STPG2: variants seen among roughly 807,000 people sequenced by gnomAD.
STPG2 encodes the protein sperm tail PG-rich repeat containing 2.
Under a neutral mutation model 54.2 loss-of-function variants are expected in STPG2, and 56 were observed. The observed-to-expected ratio is 1.03, with a 90% CI of 0.83 to 1.29. The LOEUF is 1.29. Among genes scored for constraint, STPG2 ranks in the 50% most tolerant of loss-of-function variants. The pLI is 0.00. For synonymous variants in STPG2, 200 were observed against 181.8 expected, an observed-to-expected ratio of 1.10 and a Z score of -0.81; for missense variants, 596 against 544.9, an observed-to-expected ratio of 1.09 and a Z score of -0.93.
chr4:98,037,949 C>A (rs1488208841), intron 5 of STPG2, among the ~76,000 whole-genome samples: 1 of 152,090 alleles, frequency 6.6e-6, no homozygotes, highest in African/African-American at 2.4e-5. Context: ...AAATATAGAT[C>A]TAAACAGAGA....
At chr4:98,061,975 T>G (rs7662218) in intron 5 of STPG2, among the ~76,000 whole-genome samples, 60,424 of 152,034 alleles carry the variant, frequency 0.4, 12,257 homozygotes, top group Middle Eastern at 0.46. Flanking sequence ...TAAATGATTC[T>G]ACCATAAAGA....
chr4:98,037,627 G>T (rs1736817556), intron 5 of STPG2, among the ~76,000 whole-genome samples: 1 of 151,680 alleles, frequency 6.6e-6, no homozygotes, highest in African/African-American at 2.4e-5. Context: ...AAGGAGTAAG[G>T]GAGTGAGAAA....
intron 5 of STPG2, among the ~76,000 whole-genome samples, chr4:98,031,745 G>A (rs190387004): frequency 1.1e-3 from 170 of 152,174 alleles, no homozygotes; most frequent in African/African-American, 3.9e-3. Flanking sequence ...GAGCTTTTGT[G>A]TGGCAAAAGG....
At chr4:97,604,940 A>G (rs1035560137) in intron 10 of STPG2, among the ~76,000 whole-genome samples, 8 of 151,882 alleles carry the variant, frequency 5.3e-5, no homozygotes, top group South Asian at 4.1e-4. Context: ...TTCTTAAGGA[A>G]AAGTAAATAA....
At chr4:97,953,364 T>C (rs543327122) in intron 7 of STPG2, among the ~76,000 whole-genome samples, 1 of 152,314 alleles carries the variant, frequency 6.6e-6, no homozygotes, top group South Asian at 2.1e-4. Flanking sequence ...AGGCACTTAA[T>C]GCTCAGAACT....
At chr4:97,987,391 T>C (rs1436176389) in intron 5 of STPG2, among the ~76,000 whole-genome samples, 2 of 152,182 alleles carry the variant, frequency 1.3e-5, no homozygotes, top group Non-Finnish European at 2.9e-5. Flanking sequence ...TGTATGTAAA[T>C]CAACGTGTTT....
At chr4:97,767,587 T>C (rs1726092743) in intron 9 of STPG2, among the ~76,000 whole-genome samples, 1 of 152,206 alleles carries the variant, frequency 6.6e-6, no homozygotes, top group African/African-American at 2.4e-5. Flanking sequence ...CAGTTTGTTA[T>C]TCATATTTGG....
At chr4:98,027,957 C>T (rs1736477831) in intron 5 of STPG2, among the ~76,000 whole-genome samples, 1 of 152,140 alleles carries the variant, frequency 6.6e-6, no homozygotes, top group African/African-American at 2.4e-5. Context: ...CATTTTGAGT[C>T]TCCTACATCT....
At chr4:97,579,063 T>C (rs1732796983) in intron 10 of STPG2, among the ~76,000 whole-genome samples, 1 of 152,126 alleles carries the variant, frequency 6.6e-6, no homozygotes, top group African/African-American at 2.4e-5. Flanking sequence ...AAGAAGAAAA[T>C]ATCTACAATA....
intron 10 of STPG2, among the ~76,000 whole-genome samples, chr4:97,658,988 C>T (rs943193544): frequency 3.9e-5 from 6 of 152,280 alleles, no homozygotes; most frequent in Middle Eastern, 3.4e-3. Context: ...AGGCATCTCA[C>T]GTTCCTTTGG....
In STPG2 at chr4:98,056,486, A is replaced by C. The variant is rs2050794500; in HGVS notation, c.612+49467T>G. 2.0e-5 allele frequency among the ~76,000 whole-genome samples: 3 copies of C among 152,190 alleles called. No individual in the cohort carries two copies. The South Asian group carries it at 6.2e-4, about 31-fold the overall frequency. On this transcript the variant is annotated intron_variant, in intron 5 of 10. Transcript: ENST00000295268. The stretch of plus-strand genomic sequence containing the variant: ...TCTAAGCCTCAACAAGCCAGAGAAC[A>C]AAGTCGGGGACCAATACAAGTTCCC...
At chr4:98,046,278 T>C (rs1449353158) in intron 5 of STPG2, among the ~76,000 whole-genome samples, 1 of 152,134 alleles carries the variant, frequency 6.6e-6, no homozygotes, top group Non-Finnish European at 1.5e-5. Flanking sequence ...TAAGGATCCT[T>C]ATGGCCATTA....
At chr4:98,099,622 A>G (rs1738966136) in intron 5 of STPG2, among the ~76,000 whole-genome samples, 1 of 152,168 alleles carries the variant, frequency 6.6e-6, no homozygotes, top group Non-Finnish European at 1.5e-5. Flanking sequence ...CTTAGAGAAT[A>G]CAATTTGATT....
intron 10 of STPG2, among the ~76,000 whole-genome samples, chr4:97,583,921 T>C (rs1732927498): frequency 6.6e-6 from 1 of 151,658 alleles, no homozygotes; most frequent in South Asian, 2.1e-4. Flanking sequence ...AGCAAGACAA[T>C]AGTAGTGGGG....
At chr4:97,996,045 T>G (rs1735198229) in intron 5 of STPG2, among the ~76,000 whole-genome samples, 1 of 152,160 alleles carries the variant, frequency 6.6e-6, no homozygotes, top group South Asian at 2.1e-4. Flanking sequence ...CTATTCCTAT[T>G]AAACTACCAA....
chr4:98,069,014 G>A (rs1297235588), intron 5 of STPG2, among the ~76,000 whole-genome samples: 2 of 151,970 alleles, frequency 1.3e-5, no homozygotes, highest in African/African-American at 2.4e-5. Context: ...CAAGACTGTA[G>A]GGTGACAACC....
chr4:97,879,131 T>C (rs1405576222), intron 8 of STPG2, among the ~76,000 whole-genome samples: 2 of 151,916 alleles, frequency 1.3e-5, no homozygotes, highest in East Asian at 3.8e-4. Flanking sequence ...TGCATTTCAT[T>C]GTGCATATCA....
chr4:97,509,819 C>T (rs182539060), intron 4 of STPG2, among the ~76,000 whole-genome samples: 13 of 151,964 alleles, frequency 8.6e-5, no homozygotes, highest in East Asian at 1.9e-4. Context: ...TAAGGTAATC[C>T]GGGTAAAAAT....
At chr4:97,466,924 A>C (rs1729801558) in intron 4 of STPG2, among the ~76,000 whole-genome samples, 1 of 152,048 alleles carries the variant, frequency 6.6e-6, no homozygotes, top group Non-Finnish European at 1.5e-5. Context: ...GAGTTTGTTA[A>C]AGATATTTGC....
Sources: allele counts gnomAD v4.1 joint callset (sites outside exome capture counted in the v4.1 genomes callset), GRCh38; gene constraint gnomAD v4.1.1; transcripts MANE v1.5; gene names NCBI Gene and HGNC (gene_info 2026-07-23, HGNC 2026-07-21).